The following CADPS variants were observed in gnomAD, a reference collection of about 807,000 sequenced individuals.
CADPS encodes the protein calcium dependent secretion activator.
A neutral mutation model predicts 167.3 loss-of-function variants in CADPS; 57 were observed. That is an observed-to-expected ratio of 0.34 (90% CI 0.28 to 0.42). CADPS has a LOEUF of 0.42. CADPS is among the 20% of genes least tolerant of loss of function. The pLI, the probability that CADPS is intolerant of heterozygous loss-of-function variation, is 1.00. For missense variants in CADPS, 1,414 were observed against 1,738.1 expected (o/e 0.81, Z 3.32); for synonymous variants, 676 against 635.3 (o/e 1.06, Z -0.96).
intron 28 of CADPS, among the ~76,000 whole-genome samples, chr3:62,426,936 A>T (rs867363090): frequency 6.6e-5 from 10 of 151,722 alleles, no homozygotes; most frequent in African/African-American, 2.4e-4. Flanking sequence ...TTAGCTGGGC[A>T]TGGTGGCAGG....
chr3:62,566,978 T>A (rs2080338039), intron 9 of CADPS, among the ~76,000 whole-genome samples: 4 of 152,216 alleles, frequency 2.6e-5, no homozygotes, highest in Admixed American at 2.6e-4. Context: ...TTCTCAGAAG[T>A]GAGCACAGAG....
chr3:62,575,268 A>T (rs546338760), intron 8 of CADPS, among the ~76,000 whole-genome samples: 1 of 152,350 alleles, frequency 6.6e-6, no homozygotes, highest in African/African-American at 2.4e-5. Flanking sequence ...AACAATAGCT[A>T]CTACTTAGTG....
intron 27 of CADPS, chr3:62,440,510 T>G: frequency 1.3e-5 from 1 of 77,754 alleles, no homozygotes; most frequent in African/African-American, 4.9e-5. Context: ...CCCCCCCCCA[T>G]AATATTATAC....
chr3:62,715,606 A>G (rs1045347416), intron 3 of CADPS, among the ~76,000 whole-genome samples: 5 of 151,510 alleles, frequency 3.3e-5, no homozygotes, highest in Non-Finnish European at 5.9e-5. Context: ...AATATTTAAG[A>G]CATTTCCCTT....
chr3:62,583,251 T>G (rs908404799), intron 8 of CADPS, among the ~76,000 whole-genome samples: 2 of 152,036 alleles, frequency 1.3e-5, no homozygotes, highest in African/African-American at 4.8e-5. Context: ...GGAGTATTTA[T>G]GAGGCAGGAT....
intron 1 of CADPS, among the ~76,000 whole-genome samples, chr3:62,867,480 T>C (rs2081916224): frequency 6.6e-6 from 1 of 152,172 alleles, no homozygotes; most frequent in East Asian, 1.9e-4. Flanking sequence ...GGGTCCCTGT[T>C]TTTTGTTCAA....
At chr3:62,832,507 G>T (rs967730440) in intron 1 of CADPS, among the ~76,000 whole-genome samples, 3 of 152,180 alleles carry the variant, frequency 2.0e-5, no homozygotes, top group African/African-American at 7.2e-5. Flanking sequence ...ACGTGACCAG[G>T]AAGGTAGTTT....
rs115159706 is a variant in CADPS, at chr3:62,805,549, G to T, written c.442-39565C>A. On this transcript the variant is annotated intron_variant, in intron 1 of 29. Coordinates refer to ENST00000383710, the MANE Select transcript of CADPS (RefSeq NM_003716.4). ...ATGAGTCATCTATAGTTTATGAACT[G>T]CCTTCAATCAATTTTCCTTTCCCTT... Among the ~76,000 whole-genome samples, 948 of 152,234 alleles carry T rather than the reference G, an allele frequency of 6.2e-3. 13 individuals are homozygous for T. Among genetic ancestry groups the T allele is most frequent in the African/African-American group, 0.021 (882 of 41,546 alleles).
chr3:62,856,113 G>A (rs1049030022), intron 1 of CADPS, among the ~76,000 whole-genome samples: 1 of 152,126 alleles, frequency 6.6e-6, no homozygotes, highest in Non-Finnish European at 1.5e-5. Context: ...TATTCTTGGT[G>A]AGCATATACC....
At chr3:62,690,684 T>C (rs190301971) in intron 3 of CADPS, among the ~76,000 whole-genome samples, 1 of 151,784 alleles carries the variant, frequency 6.6e-6, no homozygotes, top group African/African-American at 2.4e-5. Flanking sequence ...AAACCTAAAT[T>C]AATGCTTAAG....
chr3:62,536,372 A>G (rs910242368), intron 12 of CADPS, 73 bp downstream of exon 12: 8 of 1,311,292 alleles, frequency 6.1e-6, no homozygotes, highest in Admixed American at 5.9e-5. Flanking sequence ...AGCTTCTGAC[A>G]TAAAGGTAGA....
intron 1 of CADPS, among the ~76,000 whole-genome samples, chr3:62,872,754 A>C (rs535419842): frequency 6.6e-6 from 1 of 152,176 alleles, no homozygotes; most frequent in Non-Finnish European, 1.5e-5. Flanking sequence ...TCTGGACTTA[A>C]GCAACTATTT....
chr3:62,582,129 T>A (rs1035737060), intron 8 of CADPS, among the ~76,000 whole-genome samples: 16 of 152,216 alleles, frequency 1.1e-4, no homozygotes, highest in African/African-American at 3.9e-4. Flanking sequence ...GAACAATTTA[T>A]AACCTCAGCT....
intron 9 of CADPS, among the ~76,000 whole-genome samples, chr3:62,564,721 C>T (rs2152407399): frequency 6.6e-6 from 1 of 151,076 alleles, no homozygotes; most frequent in Non-Finnish European, 1.5e-5. Flanking sequence ...ATTCTCCTGT[C>T]TCAGCCACCT....
At chr3:62,553,792 CA>C (rs2077680996) in intron 10 of CADPS, among the ~76,000 whole-genome samples, 2 of 152,174 alleles carry the variant, frequency 1.3e-5, no homozygotes, top group South Asian at 4.1e-4. Context: ...TGAACATCCA[CA>C]AAGTGAAGAT....
intron 12 of CADPS, among the ~76,000 whole-genome samples, chr3:62,534,925 T>C (rs1368714508): frequency 6.6e-6 from 1 of 152,166 alleles, no homozygotes; most frequent in East Asian, 1.9e-4. Flanking sequence ...GAAAGCAAGT[T>C]TTAATATTTC....
intron 3 of CADPS, among the ~76,000 whole-genome samples, chr3:62,666,925 T>C (rs2074530394): frequency 6.6e-6 from 1 of 152,216 alleles, no homozygotes; most frequent in African/African-American, 2.4e-5. Flanking sequence ...TGCCTCAGTT[T>C]CTGCATCTGC....
chr3:62,510,220 A>ATCTATCTATCTATCTATCTT (rs2067519270), intron 17 of CADPS, among the ~76,000 whole-genome samples: 1 of 151,368 alleles, frequency 6.6e-6, no homozygotes, highest in Admixed American at 6.6e-5. Context: ...CTATCTATCT[A>ATCTATCTATCTATCTATCTT]TCTATCTGCC....
At chr3:62,673,471 C>G (rs2075880903) in intron 3 of CADPS, among the ~76,000 whole-genome samples, 1 of 152,202 alleles carries the variant, frequency 6.6e-6, no homozygotes, top group Non-Finnish European at 1.5e-5. Context: ...CTGGGAGTCT[C>G]TGCTTCCTCA....
Sources: allele counts gnomAD v4.1 joint callset (sites outside exome capture counted in the v4.1 genomes callset), GRCh38; gene constraint gnomAD v4.1.1; transcripts MANE v1.5; gene names NCBI Gene and HGNC (gene_info 2026-07-23, HGNC 2026-07-21).